The following PARD3 variants were observed in gnomAD, a reference collection of about 807,000 sequenced individuals.
PARD3 encodes partitioning defective 3 homolog.
A neutral mutation model predicts 155.4 loss-of-function variants in PARD3; 75 were observed. The ratio of observed to expected loss-of-function variants is 0.48; its 90% CI spans 0.40 to 0.58. The LOEUF is 0.58. PARD3 is among the 20% of genes least tolerant of loss of function. The pLI, the probability that PARD3 is intolerant of heterozygous loss-of-function variation, is 0.00. For synonymous variants in PARD3, 576 were observed against 610.5 expected (o/e 0.94, Z 0.83); for missense variants, 1,642 against 1,721.7 (o/e 0.95, Z 0.82).
At chr10:34,676,479 C>A (rs1363909324) in intron 2 of PARD3, among the ~76,000 whole-genome samples, 1 of 152,092 alleles carries the variant, frequency 6.6e-6, no homozygotes, top group African/African-American at 2.4e-5. Flanking sequence ...CCACACACAT[C>A]CCCCAAAAGG....
chr10:34,415,195 G>A (rs924579457), intron 5 of PARD3, among the ~76,000 whole-genome samples: 8 of 152,268 alleles, frequency 5.3e-5, no homozygotes, highest in Non-Finnish European at 1.0e-4. Flanking sequence ...AGGGTCAGGA[G>A]GTGGGGAAGC....
At chr10:34,611,579 A>G (rs371900790) in intron 2 of PARD3, among the ~76,000 whole-genome samples, 4 of 152,148 alleles carry the variant, frequency 2.6e-5, no homozygotes, top group African/African-American at 7.2e-5. Flanking sequence ...GATTAATACT[A>G]TTTTAGAATC....
chr10:34,321,432 C>CTTT (rs1958367718), intron 19 of PARD3, among the ~76,000 whole-genome samples: 1 of 151,950 alleles, frequency 6.6e-6, no homozygotes, highest in African/African-American at 2.4e-5. Flanking sequence ...ATTTGCTTTC[C>CTTT]TTTTGCAGAT....
chr10:34,778,222 CA>C (rs1839829628), intron 1 of PARD3, among the ~76,000 whole-genome samples: 1 of 152,186 alleles, frequency 6.6e-6, no homozygotes, highest in African/African-American at 2.4e-5. Flanking sequence ...TTAGGCAAGA[CA>C]TTTAAGCTTG....
intron 1 of PARD3, among the ~76,000 whole-genome samples, chr10:34,768,549 G>C (rs1433938840): frequency 1.3e-4 from 20 of 152,240 alleles, no homozygotes; most frequent in Admixed American, 1.3e-3. Flanking sequence ...TCTGTGAGCA[G>C]AGGGGTGACT....
At chr10:34,296,971 A>G (rs915495614) in intron 20 of PARD3, among the ~76,000 whole-genome samples, 4 of 152,154 alleles carry the variant, frequency 2.6e-5, no homozygotes, top group African/African-American at 9.6e-5. Context: ...AACAAGACCC[A>G]CAAGACTAAA....
At chr10:34,586,544 G>A (rs1480078358) in intron 2 of PARD3, among the ~76,000 whole-genome samples, 1 of 152,026 alleles carries the variant, frequency 6.6e-6, no homozygotes, top group Non-Finnish European at 1.5e-5. Flanking sequence ...ACACTATAGG[G>A]GGAAAAAATA....
intron 22 of PARD3, among the ~76,000 whole-genome samples, chr10:34,140,462 C>T (rs1381125128): frequency 6.6e-6 from 1 of 152,062 alleles, no homozygotes; most frequent in Non-Finnish European, 1.5e-5. Flanking sequence ...AAGTATTAAT[C>T]GCTAAATTAA....
rs534747213 is a variant in PARD3, at chr10:34,210,547, A to C, written c.3419+59110T>G. On this transcript the variant is annotated intron_variant, in intron 22 of 24. Coordinates refer to ENST00000374788, the MANE Select transcript of PARD3 (RefSeq NM_001184785.2). The stretch of plus-strand genomic sequence containing the variant: ...CTTTCTACTTACAAGGAGAAGAGAT[A>C]CATCCGGCGGTACAAAGTGGAAATA... Among the ~76,000 whole-genome samples, 13 of 152,306 alleles carry C rather than the reference A, an allele frequency of 8.5e-5. No homozygotes were observed. The East Asian group carries it at 1.4e-3, about 16-fold the overall frequency.
At chr10:34,653,738 G>C (rs897397124) in intron 2 of PARD3, among the ~76,000 whole-genome samples, 1 of 148,500 alleles carries the variant, frequency 6.7e-6, no homozygotes, top group Non-Finnish European at 1.5e-5. Flanking sequence ...AGCTATGTTC[G>C]CACCTGTGAA....
At chr10:34,179,781 C>G (rs1478420604) in intron 22 of PARD3, among the ~76,000 whole-genome samples, 1 of 152,144 alleles carries the variant, frequency 6.6e-6, no homozygotes, top group Non-Finnish European at 1.5e-5. Context: ...ACAATATACA[C>G]CAAACTGAAC....
intron 2 of PARD3, among the ~76,000 whole-genome samples, chr10:34,617,488 C>A (rs1312890337): frequency 6.6e-6 from 1 of 152,014 alleles, no homozygotes; most frequent in Admixed American, 6.6e-5. Flanking sequence ...TTTTAATGTT[C>A]CCAATACAAA....
At chr10:34,217,972 T>A (rs2133448979) in intron 22 of PARD3, among the ~76,000 whole-genome samples, 1 of 152,312 alleles carries the variant, frequency 6.6e-6, no homozygotes, top group African/African-American at 2.4e-5. Context: ...GGGCAGGAGC[T>A]GTCCTCTGAA....
intron 15 of PARD3, chr10:34,346,511 C>A: frequency 1.5e-6 from 2 of 1,324,520 alleles, no homozygotes; most frequent in Non-Finnish European, 2.0e-6. Flanking sequence ...GGGACACATG[C>A]ACACTCTCTC....
At chr10:34,351,062 T>C (rs1252462107) in intron 14 of PARD3, among the ~76,000 whole-genome samples, 1 of 152,232 alleles carries the variant, frequency 6.6e-6, no homozygotes, top group African/African-American at 2.4e-5. Context: ...TGGGGTTTAA[T>C]AAAATCTCCG....
At chr10:34,336,056 T>C (rs747249110) in intron 18 of PARD3, 143 bp downstream of exon 18, 24 of 584,488 alleles carry the variant, frequency 4.1e-5, no homozygotes, top group Admixed American at 6.4e-5. Context: ...TCTTTTCTTA[T>C]GTAATTCAAT....
At chr10:34,335,716 C>T (rs773942411) in intron 18 of PARD3, among the ~76,000 whole-genome samples, 3 of 151,998 alleles carry the variant, frequency 2.0e-5, no homozygotes, top group East Asian at 1.9e-4. Context: ...AAGAATATGC[C>T]TTTCTGAATG....
intron 1 of PARD3, among the ~76,000 whole-genome samples, chr10:34,782,821 G>C (rs1164957053): frequency 6.6e-6 from 1 of 151,848 alleles, no homozygotes; most frequent in African/African-American, 2.4e-5. Flanking sequence ...CTGCCTCCCG[G>C]GTTCCAGCAA....
At chr10:34,352,472 A>T (rs1215401235) in intron 14 of PARD3, among the ~76,000 whole-genome samples, 1 of 152,154 alleles carries the variant, frequency 6.6e-6, no homozygotes, top group Non-Finnish European at 1.5e-5. Flanking sequence ...CAGCCTGCAG[A>T]GTGCCTGGGA....
Sources: gnomAD v4.1 joint callset for allele counts (sites outside exome capture counted in the v4.1 genomes callset) on GRCh38, gnomAD v4.1.1 for gene constraint, MANE v1.5 for transcripts, NCBI Gene and HGNC (gene_info 2026-07-23, HGNC 2026-07-21) for gene names.